NBAS: variants seen among roughly 807,000 people sequenced by gnomAD.
The protein encoded by NBAS is NBAS subunit of NRZ tethering complex.
Under a neutral mutation model 302.5 loss-of-function variants are expected in NBAS, and 219 were observed. The observed-to-expected ratio is 0.72, with a 90% CI of 0.65 to 0.81. The LOEUF (loss-of-function observed/expected upper bound fraction) is 0.81, where lower values mean the gene tolerates loss of function less well. Ranked by LOEUF, NBAS falls within the 30% of genes least tolerant of loss-of-function variation. The pLI, the probability that NBAS is intolerant of heterozygous loss-of-function variation, is 0.00. For missense variants in NBAS, 2,932 were observed against 2,841.6 expected, an observed-to-expected ratio of 1.03 and a Z score of -0.72; for synonymous variants, 1,118 against 1,021.6, an observed-to-expected ratio of 1.09 and a Z score of -1.80.
At chr2:15,200,276 G>A (rs925658335) in intron 48 of NBAS, among the ~76,000 whole-genome samples, 1 of 152,128 alleles carries the variant, frequency 6.6e-6, no homozygotes, top group Admixed American at 6.5e-5. Context: ...AGACAAATAT[G>A]TCTGTTTTGG....
At chr2:15,174,583 G>T (rs939020236) in intron 51 of NBAS, among the ~76,000 whole-genome samples, 1 of 152,180 alleles carries the variant, frequency 6.6e-6, no homozygotes, top group Non-Finnish European at 1.5e-5. Flanking sequence ...GAGTTGTTGG[G>T]GTAGGTCTGC....
intron 9 of NBAS, among the ~76,000 whole-genome samples, chr2:15,527,900 A>G (rs1033421828): frequency 2.6e-5 from 4 of 152,108 alleles, no homozygotes; most frequent in African/African-American, 9.7e-5. Context: ...AGCCTCTAGT[A>G]TCTCCCTATG....
the NBAS span, among the ~76,000 whole-genome samples, chr2:14,890,196 A>T: frequency 6.6e-6 from 1 of 152,124 alleles, no homozygotes; most frequent in Non-Finnish European, 1.5e-5. Context: ...GAAAAGAAAA[A>T]TTTATCCTTT....
chr2:14,930,181 T>C, the NBAS span, among the ~76,000 whole-genome samples: 4 of 152,302 alleles, frequency 2.6e-5, no homozygotes, highest in South Asian at 8.3e-4. Context: ...GACTAATATA[T>C]TGGACTTCAC....
the NBAS span, among the ~76,000 whole-genome samples, chr2:14,843,591 T>A: frequency 8.0e-6 from 1 of 124,990 alleles, no homozygotes; most frequent in Non-Finnish European, 1.6e-5. Context: ...CAAAAATACC[T>A]TCATAAGGAC....
intron 28 of NBAS, 69 bp from the exon 29 acceptor site, chr2:15,383,386 T>G: frequency 6.7e-7 from 1 of 1,501,810 alleles, no homozygotes; most frequent in Admixed American, 1.7e-5. Context: ...CTTCAAATGA[T>G]CTAAAGTTAA....
chr2:15,500,069 G>A (rs1008838329), intron 11 of NBAS, among the ~76,000 whole-genome samples: 22 of 152,296 alleles, frequency 1.4e-4, no homozygotes, highest in African/African-American at 5.3e-4. Flanking sequence ...AAACATTGCA[G>A]TAAAACTTCC....
At chr2:15,057,955 G>A in the NBAS span, among the ~76,000 whole-genome samples, 6 of 152,156 alleles carry the variant, frequency 3.9e-5, no homozygotes, top group South Asian at 4.1e-4. Context: ...AGATGTTGGC[G>A]CGGATGCAGC....
At chr2:15,362,623 A>G (rs1673991303) in intron 32 of NBAS, among the ~76,000 whole-genome samples, 2 of 152,332 alleles carry the variant, frequency 1.3e-5, no homozygotes, top group East Asian at 1.9e-4. Flanking sequence ...GGAATATGTA[A>G]TGTTTCTCTA....
At chr2:15,108,308 T>C in the NBAS span, among the ~76,000 whole-genome samples, 1 of 152,156 alleles carries the variant, frequency 6.6e-6, no homozygotes, top group African/African-American at 2.4e-5. Context: ...ATGGAGAATA[T>C]CATTATTCTT....
chr2:15,382,578 A>T (rs1053018481), intron 29 of NBAS, among the ~76,000 whole-genome samples: 1 of 152,282 alleles, frequency 6.6e-6, no homozygotes, highest in South Asian at 2.1e-4. Context: ...GTGCAAAGTG[A>T]GGGAAACATG....
At chr2:15,388,528 C>T (rs1675425031) in intron 28 of NBAS, among the ~76,000 whole-genome samples, 1 of 150,818 alleles carries the variant, frequency 6.6e-6, no homozygotes, top group African/African-American at 2.4e-5. Flanking sequence ...TTACACATTG[C>T]TGACAGAAAT....
chr2:15,412,903 G>C (rs1676749513), intron 25 of NBAS, among the ~76,000 whole-genome samples: 1 of 152,108 alleles, frequency 6.6e-6, no homozygotes, highest in Admixed American at 6.5e-5. Context: ...ACGCTTGCCT[G>C]TTTCAAAAAC....
intron 35 of NBAS, among the ~76,000 whole-genome samples, chr2:15,337,217 A>G (rs1672625607): frequency 6.6e-6 from 1 of 152,106 alleles, no homozygotes; most frequent in Admixed American, 6.6e-5. Context: ...GCTACTCCAG[A>G]GGCTGATGAG....
the NBAS span, among the ~76,000 whole-genome samples, chr2:14,949,763 G>A: frequency 1.3e-5 from 2 of 152,152 alleles, no homozygotes; most frequent in Admixed American, 6.5e-5. Context: ...GGAACTGGAG[G>A]TCATTTTGTT....
At chr2:14,808,961 G>C in the NBAS span, among the ~76,000 whole-genome samples, 1 of 152,168 alleles carries the variant, frequency 6.6e-6, no homozygotes. Flanking sequence ...AAAGAAACTG[G>C]TGGCATTTTG....
the NBAS span, among the ~76,000 whole-genome samples, chr2:15,124,473 A>G: frequency 6.6e-6 from 1 of 152,242 alleles, no homozygotes; most frequent in Admixed American, 6.5e-5. Flanking sequence ...TAGAGCGACC[A>G]CTTGCTAGAG....
chr2:15,339,239 C>T (rs1322245281), intron 35 of NBAS, among the ~76,000 whole-genome samples: 2 of 151,994 alleles, frequency 1.3e-5, no homozygotes, highest in African/African-American at 4.8e-5. Flanking sequence ...GTTTACTGAA[C>T]ACATAATTTG....
At chr2:15,339,143 T>C (rs1304726066) in intron 35 of NBAS, among the ~76,000 whole-genome samples, 5 of 152,186 alleles carry the variant, frequency 3.3e-5, no homozygotes, top group Admixed American at 6.5e-5. Flanking sequence ...AATAGAGGTG[T>C]ATAAGGTATA....
Sources: gnomAD v4.1 joint callset for allele counts (sites outside exome capture counted in the v4.1 genomes callset) on GRCh38, gnomAD v4.1.1 for gene constraint, MANE v1.5 for transcripts, NCBI Gene and HGNC (gene_info 2026-07-23, HGNC 2026-07-21) for gene names.